The following TEX14 variants were observed in gnomAD, a reference collection of about 807,000 sequenced individuals.
TEX14 encodes the protein testis expressed 14, intercellular bridge forming factor.
Under a neutral mutation model 178.6 loss-of-function variants are expected in TEX14, and 168 were observed. The observed-to-expected ratio is 0.94, with a 90% confidence interval of 0.83 to 1.07. TEX14 has a LOEUF of 1.07. Ranked by LOEUF, TEX14 falls within the 50% of genes least tolerant of loss-of-function variation. The pLI, the probability that TEX14 is intolerant of heterozygous loss-of-function variation, is 0.00. For synonymous variants in TEX14, 626 were observed against 634.1 expected (o/e 0.99, Z 0.19); for missense variants, 1,730 against 1,753.6 (o/e 0.99, Z 0.24).
intron 10 of TEX14, among the ~76,000 whole-genome samples, chr17:58,607,708 C>A (rs368532342): frequency 5.3e-5 from 8 of 152,322 alleles, no homozygotes; most frequent in African/African-American, 1.9e-4. Flanking sequence ...TAGCAGATGG[C>A]GATCCATCAC....
At chr17:58,604,881 GTCT>G (rs1234409225) in intron 11 of TEX14, 94 bp downstream of exon 11, 6 of 1,375,412 alleles carry the variant, frequency 4.4e-6, no homozygotes, top group Admixed American at 1.9e-5. Context: ...TTTTTAATAA[GTCT>G]TCTATTTTCA....
At chr17:58,609,818 A>G (rs1415793455) in intron 10 of TEX14, among the ~76,000 whole-genome samples, 1 of 152,252 alleles carries the variant, frequency 6.6e-6, no homozygotes, top group Non-Finnish European at 1.5e-5. Flanking sequence ...TTTGAGATAT[A>G]GCAGTAAATA....
intron 1 of TEX14, among the ~76,000 whole-genome samples, chr17:58,657,860 G>C (rs536982521): frequency 6.6e-6 from 1 of 152,270 alleles, no homozygotes; most frequent in South Asian, 2.1e-4. Context: ...CACAAGATTA[G>C]AAATTATGGT....
intron 17 of TEX14, among the ~76,000 whole-genome samples, chr17:58,586,747 A>C (rs1245587294): frequency 6.6e-6 from 1 of 152,066 alleles, no homozygotes; most frequent in East Asian, 1.9e-4. Flanking sequence ...GAAAAAAAAA[A>C]AACAATCAAT....
chr17:58,607,008 G>A (rs2045623553), intron 10 of TEX14, among the ~76,000 whole-genome samples: 1 of 97,508 alleles, frequency 1.0e-5, no homozygotes, highest in African/African-American at 4.2e-5. Flanking sequence ...CTGGGCTACT[G>A]TCTCAAAAAA....
rs1333326452 is a variant in TEX14, at chr17:58,662,413, TCTCACACACACACACACACA to T, written c.-1-10431_-1-10412del. Among the ~76,000 whole-genome samples the T allele has an allele frequency of 2.1e-3, 269 of 127,740 alleles. 4 individuals carry two copies. The highest frequency in any genetic ancestry group is 6.2e-3 in the Admixed American group (76 of 12,208). The allele number at this position is 127,740 out of a possible 152,430, so 83.8% of individuals were successfully genotyped here. A position where few individuals can be genotyped will look rare whatever the true frequency, so the allele number is the denominator to read the frequency against. ...TGTGTACAGATATATAGCACACATATCTCACACACACACACACACACACACACACACACACACACAGAATC... is the reference window on the plus strand; with the variant it reads ...TGTGTACAGATATATAGCACACATATCACACACACACACACACACAGAATC... On this transcript the variant is annotated intron_variant, in intron 1 of 31. Transcript: ENST00000349033.
chr17:58,680,387 A>G (rs2047480559), intron 1 of TEX14, among the ~76,000 whole-genome samples: 1 of 152,202 alleles, frequency 6.6e-6, no homozygotes, highest in East Asian at 1.9e-4. Context: ...CTGTCTTTCA[A>G]ACATGCAGCA....
At chr17:58,660,910 G>A in intron 1 of TEX14, 1 of 850,042 alleles carries the variant, frequency 1.2e-6, no homozygotes, top group Non-Finnish European at 2.1e-6. Context: ...AGTTAGAAGT[G>A]GATGCCTCTC....
intron 19 of TEX14, among the ~76,000 whole-genome samples, chr17:58,579,969 C>T (rs181206102): frequency 5.3e-4 from 81 of 152,312 alleles, no homozygotes; most frequent in Admixed American, 4.7e-3. Flanking sequence ...GACTCCGCCT[C>T]CTTATATCAC....
At chr17:58,613,345 A>G in intron 9 of TEX14, 76 bp downstream of exon 9, 1 of 1,584,106 alleles carries the variant, frequency 6.3e-7, no homozygotes, top group Non-Finnish European at 8.7e-7. Flanking sequence ...TGGGATCACC[A>G]CAGCTGGGGC....
chr17:58,562,061 G>A (rs1276606377), intron 28 of TEX14, among the ~76,000 whole-genome samples: 1 of 152,010 alleles, frequency 6.6e-6, no homozygotes, highest in African/African-American at 2.4e-5. Context: ...CTCTAGCCTG[G>A]GTGACAGAGC....
At chr17:58,679,519 G>C (rs942732919) in intron 1 of TEX14, 1 of 152,152 alleles carries the variant, frequency 6.6e-6, no homozygotes, top group Non-Finnish European at 1.5e-5. Context: ...TTATAAACAA[G>C]CCAGATCAGG....
intron 26 of TEX14, among the ~76,000 whole-genome samples, chr17:58,568,945 T>C (rs1047343690): frequency 1.3e-5 from 2 of 152,182 alleles, no homozygotes; most frequent in African/African-American, 4.8e-5. Flanking sequence ...CTTAGATTCA[T>C]CAACATAAGT....
chr17:58,679,473 G>A (rs183653082), intron 1 of TEX14: 2 of 152,202 alleles, frequency 1.3e-5, no homozygotes, highest in East Asian at 3.9e-4. Context: ...ATATAACACA[G>A]GAAAACCTAC....
At chr17:58,600,497 G>C (rs1449172299) in intron 13 of TEX14, among the ~76,000 whole-genome samples, 1 of 150,680 alleles carries the variant, frequency 6.6e-6, no homozygotes, top group Non-Finnish European at 1.5e-5. Context: ...GGAGACAGAG[G>C]TTGCAGTAAA....
chr17:58,684,082 A>AAAGGTAACATTTCATATAG (rs2047550790), intron 1 of TEX14, among the ~76,000 whole-genome samples: 1 of 151,926 alleles, frequency 6.6e-6, no homozygotes, highest in South Asian at 2.1e-4. Context: ...AGTATACGAT[A>AAAGGTAACATTTCATATAG]AAGGTAACAT....
At position 58,641,488 on chromosome 17, in the gene TEX14, T is replaced by TTTATTATTATTA. The variant is rs373086043; in HGVS notation, c.136+10366_136+10377dup. ...CATTCTTTTCTTTCTTTCTCTTTTA[T>TTTATTATTATTA]TTATTATTATTATTATTATTATTAT... On this transcript the variant is annotated intron_variant, in intron 2 of 31. Coordinates refer to ENST00000349033, the MANE Select transcript of TEX14 (RefSeq NM_031272.5). Among the ~76,000 whole-genome samples, 1,323 of 143,632 alleles carry TTTATTATTATTA rather than the reference T, an allele frequency of 9.2e-3. 13 individuals are homozygous for TTTATTATTATTA. Among genetic ancestry groups the TTTATTATTATTA allele is most frequent in the African/African-American group, 0.018 (705 of 39,230 alleles). 94.2% of individuals were successfully genotyped at this position (143,632 alleles called of 152,430 possible).
chr17:58,651,789 T>TA, intron 2 of TEX14, 77 bp downstream of exon 2: 1 of 1,391,282 alleles, frequency 7.2e-7, no homozygotes, highest in African/African-American at 1.4e-5. Flanking sequence ...TTCATACCTT[T>TA]ATGACATTCC....
chr17:58,642,420 G>A lies in TEX14; in HGVS notation c.136+9446C>T, dbSNP rs117969366. ...CTCTTTAGAGACAGCCAAATGCTCC[G>A]TACTTAATTTTTTTCAGAAAAAGGG... On this transcript the variant is annotated intron_variant, in intron 2 of 31. Coordinates refer to ENST00000349033, the MANE Select transcript of TEX14 (RefSeq NM_031272.5). Among the ~76,000 whole-genome samples, 532 of 152,154 alleles carry A rather than the reference G, an allele frequency of 3.5e-3. 19 individuals carry two copies. In the East Asian group the frequency reaches 0.088, roughly 25 times the overall value.
Sources: gnomAD v4.1 joint callset for allele counts (sites outside exome capture counted in the v4.1 genomes callset) on GRCh38, gnomAD v4.1.1 for gene constraint, MANE v1.5 for transcripts, NCBI Gene and HGNC (gene_info 2026-07-23, HGNC 2026-07-21) for gene names.